The following PTPRN2 variants were observed in gnomAD, a reference collection of about 807,000 sequenced individuals.
PTPRN2 encodes the protein protein tyrosine phosphatase receptor type N2.
Under a neutral mutation model 118.8 loss-of-function variants are expected in PTPRN2, and 74 were observed. The observed-to-expected ratio is 0.62, with a 90% CI of 0.52 to 0.76. The LOEUF is 0.76. Ranked by LOEUF, PTPRN2 falls within the 30% of genes least tolerant of loss-of-function variation. PTPRN2 has a pLI of 0.00. For missense variants in PTPRN2, 1,481 were observed against 1,394.4 expected (o/e 1.06, Z -0.99); for synonymous variants, 641 against 608.0 (o/e 1.05, Z -0.80).
chr7:157,551,936 C>T (rs1291441431), intron 21 of PTPRN2, among the ~76,000 whole-genome samples: 2 of 148,328 alleles, frequency 1.3e-5, no homozygotes, highest in African/African-American at 5.0e-5. Flanking sequence ...ACCACGCACC[C>T]CACAGCCACC....
chr7:158,306,858 T>G (rs528863864), intron 3 of PTPRN2, among the ~76,000 whole-genome samples: 1,467 of 5,496 alleles, frequency 0.27, 11 homozygotes, highest in Non-Finnish European at 0.35. Context: ...GTTTTTTGTT[T>G]TTTTTTTTTT....
intron 22 of PTPRN2, among the ~76,000 whole-genome samples, chr7:157,547,382 C>A (rs221272): frequency 0.49 from 73,929 of 151,808 alleles, 18,310 homozygotes; most frequent in South Asian, 0.68. Flanking sequence ...ATGGTCAGTG[C>A]GGCAAGATGG....
intron 14 of PTPRN2, among the ~76,000 whole-genome samples, chr7:157,641,571 C>T (rs1225600951): frequency 1.3e-5 from 2 of 152,140 alleles, no homozygotes; most frequent in African/African-American, 4.8e-5. Flanking sequence ...AGCCAGAGTT[C>T]ACAGGATGTA....
chr7:157,811,792 C>G (rs1285325771), intron 12 of PTPRN2, among the ~76,000 whole-genome samples: 1 of 152,110 alleles, frequency 6.6e-6, no homozygotes, highest in Non-Finnish European at 1.5e-5. Context: ...GGGTCCAATT[C>G]TACCCACACC....
intron 2 of PTPRN2, among the ~76,000 whole-genome samples, chr7:158,459,308 G>A (rs1396437729): frequency 2.6e-5 from 4 of 151,610 alleles, no homozygotes; most frequent in African/African-American, 7.3e-5. Context: ...TGGGATGAAT[G>A]GGCTCCAGAA....
rs1369052726 is a variant in PTPRN2, at chr7:157,977,613, G to A, written c.1724-78876C>T. On this transcript the variant is annotated intron_variant, in intron 11 of 22. Coordinates refer to ENST00000389418, the MANE Select transcript of PTPRN2 (RefSeq NM_002847.5). This position sits in a 1 kb window ranked among gnomAD's most constrained non-coding sequence, Gnocchi z 4.6. ...GCCCCAGGTGGGATGACGTGAGTGT[G>A]TTCATGGAGTAGTGTACAAGGCCCC... 1.3e-5 allele frequency among the ~76,000 whole-genome samples: 2 copies of A among 151,362 alleles called. No homozygotes were observed. Among genetic ancestry groups the A allele is most frequent in the Admixed American group, 6.6e-5 (1 of 15,192 alleles).
chr7:158,561,716 A>G (rs1827396031), intron 1 of PTPRN2, among the ~76,000 whole-genome samples: 1 of 152,216 alleles, frequency 6.6e-6, no homozygotes, highest in African/African-American at 2.4e-5. Context: ...ACTCAAAAGC[A>G]TAGCACAGGT....
Position 157,587,716 on chromosome 7 carries a change from A to C in PTPRN2, c.2496+7522T>G, listed in dbSNP as rs936117311. On this transcript the variant is annotated intron_variant, in intron 17 of 22. Coordinates refer to ENST00000389418, the MANE Select transcript of PTPRN2 (RefSeq NM_002847.5). The surrounding 1 kb of genome is among the most constrained non-coding windows in gnomAD (Gnocchi z 5.3). ...CTTTGTGCTCTCTCTGGGGGCCAGG[A>C]GAGCTGTTTCGTGTCTGACTCTGTC... is the stretch of plus-strand genomic sequence containing the variant. Among the ~76,000 whole-genome samples, 2 of 152,224 alleles carry C rather than the reference A, an allele frequency of 1.3e-5. No individual in the cohort carries two copies. Among genetic ancestry groups the C allele is most frequent in the African/African-American group, 4.8e-5 (2 of 41,466 alleles).
At chr7:158,127,141 T>C (rs1405134213) in intron 9 of PTPRN2, among the ~76,000 whole-genome samples, 1 of 152,182 alleles carries the variant, frequency 6.6e-6, no homozygotes. Flanking sequence ...TTTTTGCACA[T>C]TCTTCCCTCA....
Position 157,956,006 on chromosome 7 carries a change from G to T in PTPRN2, c.1724-57269C>A, listed in dbSNP as rs139144149. On this transcript the variant is annotated intron_variant, in intron 11 of 22. Coordinates refer to ENST00000389418, the MANE Select transcript of PTPRN2 (RefSeq NM_002847.5). The stretch of plus-strand genomic sequence containing the variant: ...TCTGACAGGTGCGTTTTCTCATCAG[G>T]ATGTCAGCTGCTGGGACACTGCCCC... Among the ~76,000 whole-genome samples, 736 of 152,328 alleles carry T rather than the reference G, an allele frequency of 4.8e-3. 6 individuals are homozygous for T. Among genetic ancestry groups the T allele is most frequent in the African/African-American group, 0.016 (681 of 41,576 alleles).
chr7:158,186,844 GACAGA>G (rs1185404361), intron 5 of PTPRN2, among the ~76,000 whole-genome samples: 1 of 152,218 alleles, frequency 6.6e-6, no homozygotes, highest in Admixed American at 6.5e-5. Flanking sequence ...AATCCTAAAG[GACAGA>G]AACTAACTTT....
intron 2 of PTPRN2, among the ~76,000 whole-genome samples, chr7:158,336,701 C>A (rs1254445674): frequency 1.5e-5 from 2 of 129,166 alleles, no homozygotes; most frequent in Non-Finnish European, 3.4e-5. Flanking sequence ...GCAGACGTCA[C>A]TCACACCCAC....
intron 14 of PTPRN2, among the ~76,000 whole-genome samples, chr7:157,637,054 A>G (rs1284833433): frequency 6.6e-6 from 1 of 152,226 alleles, no homozygotes; most frequent in African/African-American, 2.4e-5. Context: ...GTATTTGCAA[A>G]TATTTGTTCT....
intron 2 of PTPRN2, among the ~76,000 whole-genome samples, chr7:158,336,260 T>C (rs1400737231): frequency 1.6e-4 from 6 of 37,756 alleles, no homozygotes; most frequent in African/African-American, 4.5e-4. Context: ...TCACTCGCAC[T>C]CACACTCTAG....
chr7:158,071,317 TA>T (rs1482435224), intron 11 of PTPRN2, among the ~76,000 whole-genome samples: 19 of 112,798 alleles, frequency 1.7e-4, no homozygotes, highest in Admixed American at 2.7e-4. Flanking sequence ...GTGCCCATGG[TA>T]GTGGAGGTGC....
intron 12 of PTPRN2, among the ~76,000 whole-genome samples, chr7:157,819,383 C>A (rs1372013274): frequency 6.6e-6 from 1 of 152,208 alleles, no homozygotes; most frequent in African/African-American, 2.4e-5. Flanking sequence ...TGAGCCCATC[C>A]GTCAGCGTCA....
intron 12 of PTPRN2, among the ~76,000 whole-genome samples, chr7:157,820,289 C>T (rs1364824218): frequency 6.8e-6 from 1 of 146,034 alleles, no homozygotes; most frequent in African/African-American, 2.5e-5. Flanking sequence ...ACACCACACC[C>T]ATGTCACACA....
intron 11 of PTPRN2, among the ~76,000 whole-genome samples, chr7:157,958,059 T>G (rs765720514): frequency 3.9e-5 from 6 of 152,116 alleles, no homozygotes; most frequent in Non-Finnish European, 8.8e-5. Flanking sequence ...CATGACCAAG[T>G]GGGATGTATT....
intron 12 of PTPRN2, among the ~76,000 whole-genome samples, chr7:157,835,116 G>C (rs1807842641): frequency 6.6e-6 from 1 of 152,154 alleles, no homozygotes; most frequent in African/African-American, 2.4e-5. Context: ...CTGAAAATAT[G>C]GTTTCAGTAA....
Sources: allele counts gnomAD v4.1 joint callset (sites outside exome capture counted in the v4.1 genomes callset), GRCh38; gene constraint gnomAD v4.1.1; non-coding constraint Gnocchi (gnomAD v3.1); transcripts MANE v1.5; gene names NCBI Gene and HGNC (gene_info 2026-07-23, HGNC 2026-07-21).